The following NCAM2 variants were observed in gnomAD, a reference collection of about 807,000 sequenced individuals.
NCAM2 encodes neural cell adhesion molecule 2.
Under a neutral mutation model 98.1 loss-of-function variants are expected in NCAM2, and 30 were observed. That is an observed-to-expected ratio of 0.31 (90% CI 0.23 to 0.41). The LOEUF is 0.41. NCAM2 is among the 10% of genes least tolerant of loss of function. The probability of loss-of-function intolerance (pLI) is 1.00; values close to 1 mark genes in which losing one functional copy is unlikely to be tolerated. For missense variants in NCAM2, 867 were observed against 1,005.8 expected (o/e 0.86, Z 1.87); for synonymous variants, 368 against 342.4 (o/e 1.07, Z -0.83).
chr21:21,276,110 A>G (rs2072720112), intron 1 of NCAM2, among the ~76,000 whole-genome samples: 1 of 151,788 alleles, frequency 6.6e-6, no homozygotes, highest in African/African-American at 2.4e-5. Context: ...TTATCTTTTT[A>G]TGTTTCATTG....
At chr21:21,435,313 A>C (rs1400233371) in intron 12 of NCAM2, among the ~76,000 whole-genome samples, 1 of 152,150 alleles carries the variant, frequency 6.6e-6, no homozygotes, top group Non-Finnish European at 1.5e-5. Context: ...CAGAAGTCCA[A>C]ATTTCCAAAT....
intron 8 of NCAM2, among the ~76,000 whole-genome samples, chr21:21,343,733 G>A (rs895136195): frequency 6.6e-6 from 1 of 152,156 alleles, no homozygotes; most frequent in Non-Finnish European, 1.5e-5. Flanking sequence ...AAACTTGAGT[G>A]CCTGCAAACC....
intron 1 of NCAM2, among the ~76,000 whole-genome samples, chr21:21,255,075 C>A (rs891030326): frequency 3.3e-5 from 5 of 152,106 alleles, no homozygotes; most frequent in African/African-American, 1.2e-4. Context: ...ACATACCAAG[C>A]TATCAGAATA....
At chr21:21,333,803 A>G (rs1183942757) in intron 6 of NCAM2, among the ~76,000 whole-genome samples, 2 of 152,074 alleles carry the variant, frequency 1.3e-5, no homozygotes, top group Non-Finnish European at 2.9e-5. Context: ...CATTGAAGAT[A>G]TTGAGAAATA....
chr21:21,269,218 A>C (rs1447291857), intron 1 of NCAM2, among the ~76,000 whole-genome samples: 4 of 152,150 alleles, frequency 2.6e-5, no homozygotes, highest in African/African-American at 9.7e-5. Flanking sequence ...ACTAAACATA[A>C]ATGTCCCTGG....
At chr21:21,264,660 T>C (rs2072058961) in intron 1 of NCAM2, among the ~76,000 whole-genome samples, 1 of 150,384 alleles carries the variant, frequency 6.6e-6, no homozygotes. Context: ...TGTGCATATA[T>C]ATATATACAC....
chr21:21,469,694 C>G (rs1984180876), intron 14 of NCAM2, among the ~76,000 whole-genome samples: 1 of 151,474 alleles, frequency 6.6e-6, no homozygotes, highest in African/African-American at 2.4e-5. Context: ...ACTGCTGCTT[C>G]TAAATGGAAA....
chr21:21,388,682 A>G (rs1426755957), intron 9 of NCAM2, among the ~76,000 whole-genome samples: 2 of 152,192 alleles, frequency 1.3e-5, no homozygotes. Flanking sequence ...TTAAAATGTG[A>G]TGCTCGATTT....
intron 3 of NCAM2, among the ~76,000 whole-genome samples, chr21:21,284,771 A>G (rs1221891308): frequency 6.6e-6 from 1 of 151,616 alleles, no homozygotes; most frequent in Non-Finnish European, 1.5e-5. Context: ...GTGTGACAGC[A>G]CTGACCATTG....
chr21:21,198,374 G>A (rs539695338), intron 1 of NCAM2, among the ~76,000 whole-genome samples: 36 of 152,158 alleles, frequency 2.4e-4, no homozygotes, highest in African/African-American at 8.7e-4. Flanking sequence ...TACAGTGGAT[G>A]AAAATGTTCT....
chr21:21,416,948 T>C (rs2077006733), intron 10 of NCAM2, among the ~76,000 whole-genome samples: 1 of 152,008 alleles, frequency 6.6e-6, no homozygotes, highest in South Asian at 2.1e-4. Context: ...CTTTATTTAT[T>C]AAGCATACAA....
intron 1 of NCAM2, among the ~76,000 whole-genome samples, chr21:21,188,237 G>A (rs1255159529): frequency 1.3e-5 from 2 of 152,068 alleles, no homozygotes; most frequent in Admixed American, 6.6e-5. Flanking sequence ...AATATTTAAA[G>A]CAAATAACTA....
intron 14 of NCAM2, among the ~76,000 whole-genome samples, chr21:21,475,690 T>C (rs1466095545): frequency 1.5e-4 from 23 of 152,192 alleles, no homozygotes; most frequent in Admixed American, 1.5e-3. Context: ...AAAACAGATA[T>C]TCCTGAGTTT....
At chr21:21,132,435 G>A (rs987522484) in intron 1 of NCAM2, among the ~76,000 whole-genome samples, 1 of 151,014 alleles carries the variant, frequency 6.6e-6, no homozygotes, top group Non-Finnish European at 1.5e-5. Flanking sequence ...CAGGTTCCAG[G>A]GATTATAAAG....
chr21:21,241,771 TG>T (rs1403616532), intron 1 of NCAM2, among the ~76,000 whole-genome samples: 7 of 151,858 alleles, frequency 4.6e-5, no homozygotes. Flanking sequence ...CTGAGTTCCA[TG>T]TTGACCAGGG....
rs232455 is a variant in NCAM2, at chr21:21,406,105, C to T, written c.1196-4169C>T. On this transcript the variant is annotated intron_variant, in intron 9 of 17. Transcript: ENST00000400546. ...CTCATTCGTCAAACAGAAATTATTCCGAGACCTGTTAAAAACTGTAAGGAA... is the reference window on the plus strand; with the variant it reads ...CTCATTCGTCAAACAGAAATTATTCTGAGACCTGTTAAAAACTGTAAGGAA... 6.5e-3 allele frequency among the ~76,000 whole-genome samples: 982 copies of T among 152,094 alleles called. 14 individuals are homozygous for T. Among genetic ancestry groups the T allele is most frequent in the African/African-American group, 0.022 (904 of 41,482 alleles).
At chr21:21,388,845 C>A (rs2076323512) in intron 9 of NCAM2, among the ~76,000 whole-genome samples, 1 of 152,058 alleles carries the variant, frequency 6.6e-6, no homozygotes, top group African/African-American at 2.4e-5. Flanking sequence ...GTAAAGTACA[C>A]AACAGGTTTT....
intron 6 of NCAM2, among the ~76,000 whole-genome samples, chr21:21,333,056 G>C (rs1456160800): frequency 6.6e-6 from 1 of 152,136 alleles, no homozygotes; most frequent in Non-Finnish European, 1.5e-5. Flanking sequence ...CAAAGAATGG[G>C]CTTAATGCAT....
intron 1 of NCAM2, among the ~76,000 whole-genome samples, chr21:21,092,872 C>A (rs2066042045): frequency 6.6e-6 from 1 of 151,668 alleles, no homozygotes; most frequent in African/African-American, 2.4e-5. Context: ...ATTTGTTAAG[C>A]AAAATTTTAT....
Sources: allele counts gnomAD v4.1 joint callset (sites outside exome capture counted in the v4.1 genomes callset), GRCh38; gene constraint gnomAD v4.1.1; transcripts MANE v1.5; gene names NCBI Gene and HGNC (gene_info 2026-07-23, HGNC 2026-07-21).